The following SCYL3 variants were observed in gnomAD, a reference collection of about 807,000 sequenced individuals.
SCYL3 encodes the protein protein-associating with the carboxyl-terminal domain of ezrin.
A neutral mutation model predicts 73.8 loss-of-function variants in SCYL3; 35 were observed. That is an observed-to-expected ratio of 0.47 (90% confidence interval 0.36 to 0.63). The LOEUF (loss-of-function observed/expected upper bound fraction) is 0.63, where lower values mean the gene tolerates loss of function less well. Ranked by LOEUF, SCYL3 falls within the 20% of genes least tolerant of loss-of-function variation. SCYL3 has a pLI of 0.00. For missense variants in SCYL3, 712 were observed against 798.9 expected (o/e 0.89, Z 1.31); for synonymous variants, 277 against 295.2 (o/e 0.94, Z 0.63).
Position 169,854,705 on chromosome 1 carries a change from T to C in SCYL3, c.1572A>G (p.Leu524=). Residue 524 remains leucine, a synonymous_variant, in exon 12 of 13, where the codon TTA becomes TTG. Coordinates refer to ENST00000367771, the MANE Select transcript of SCYL3 (RefSeq NM_020423.7). ...CACCTCCTGGGTTTACTTTAGTATC[T>C]AAGCTGCTGGGCTCGCAGTCATCCC... ...SSWDDCEPSS[L]DTKVNPGGGI... 6.2e-7 allele frequency: 1 copy of C among 1,614,086 alleles called. No homozygotes were observed. Among genetic ancestry groups the C allele is most frequent in the Middle Eastern group, 1.7e-4 (1 of 6,060 alleles).
intron 11 of SCYL3, chr1:169,856,084 G>C (rs1290545038): frequency 1.3e-6 from 1 of 791,852 alleles, no homozygotes; most frequent in African/African-American, 1.8e-5. Context: ...TAAAATGGAG[G>C]AGAGAACATC....
rs958484591 is a variant in SCYL3 at position 169,850,482 on chromosome 1, T to C, written c.*3231A>G. 1.7e-6 allele frequency: 1 copy of C among 605,504 alleles called. No homozygotes were observed. Among genetic ancestry groups the C allele is most frequent in the Admixed American group, 3.0e-5 (1 of 33,778 alleles). 37.5% of individuals were successfully genotyped at this position (605,504 alleles called of 1,614,324 possible). A position where few individuals can be genotyped will look rare whatever the true frequency, so the allele number is the denominator to read the frequency against. On this transcript the variant is annotated 3_prime_UTR_variant, in exon 13 of 13. Transcript: ENST00000367771. ...TGAGCACAGTGCTGACGACTTTTAC[T>C]AAGCAATTGAGGCCACAGAAGTAAA...
At chr1:169,887,083 T>A (rs905666234) in intron 2 of SCYL3, among the ~76,000 whole-genome samples, 1 of 152,156 alleles carries the variant, frequency 6.6e-6, no homozygotes, top group Non-Finnish European at 1.5e-5. Flanking sequence ...TATGACCTAG[T>A]TTTTTAAGAT....
At chr1:169,888,967 A>T (rs1571463949) in intron 1 of SCYL3, 77 bp from the exon 2 acceptor site, 1 of 718,902 alleles carries the variant, frequency 1.4e-6, no homozygotes, top group East Asian at 2.9e-5. Context: ...AGACATAGCC[A>T]CCCCAAACTA....
chr1:169,851,674 A>AGAG lies in SCYL3; in HGVS notation c.*2036_*2038dup. 1 of 884,572 alleles carries AGAG rather than the reference A, an allele frequency of 1.1e-6. No homozygotes were observed. The highest frequency in any genetic ancestry group is 1.7e-6 in the Non-Finnish European group (1 of 572,274). 54.8% of individuals were successfully genotyped at this position (884,572 alleles called of 1,614,324 possible). A position where few individuals can be genotyped will look rare whatever the true frequency, so the allele number is the denominator to read the frequency against. On this transcript the variant is annotated 3_prime_UTR_variant, in exon 13 of 13. Transcript: ENST00000367771. Reference sequence around the variant, plus strand: ...GAGTGATTTAATCCAGATTATACTAAGAGTATTTATAGATCAGTCCATGTG... The same window carrying AGAG: ...GAGTGATTTAATCCAGATTATACTAAGAGGAGTATTTATAGATCAGTCCATGTG...
intron 2 of SCYL3, among the ~76,000 whole-genome samples, chr1:169,887,764 G>A (rs1009763934): frequency 6.6e-6 from 1 of 152,178 alleles, no homozygotes; most frequent in African/African-American, 2.4e-5. Context: ...ACAATTTCAT[G>A]CTTGATCAAA....
At chr1:169,883,092 C>A (rs536054572) in intron 2 of SCYL3, among the ~76,000 whole-genome samples, 9 of 152,150 alleles carry the variant, frequency 5.9e-5, no homozygotes, top group Non-Finnish European at 1.2e-4. Context: ...CCTGAGCCAG[C>A]GAGACCACGA....
intron 2 of SCYL3, among the ~76,000 whole-genome samples, chr1:169,884,680 T>C (rs1661552327): frequency 2.6e-5 from 4 of 152,246 alleles, no homozygotes; most frequent in African/African-American, 9.6e-5. Context: ...TTTCAAATAA[T>C]TTTCAAACCA....
Position 169,854,267 on chromosome 1 carries a change from C to T in SCYL3, c.2007+3G>A, listed in dbSNP as rs1658898883. On this transcript the variant is annotated splice_donor_region_variant and intron_variant, in intron 12 of 12. Coordinates refer to ENST00000367771, the MANE Select transcript of SCYL3 (RefSeq NM_020423.7). ...GCACAGTTTACTCCATAAAAGTACT[C>T]ACCTCAGTAATTTCTGCTGCAGCAA... 6.3e-7 allele frequency: 1 copy of T among 1,592,010 alleles called. No individual in the cohort carries two copies. The highest frequency in any genetic ancestry group is 2.2e-5 in the East Asian group (1 of 44,776).
chr1:169,858,927 T>C (rs1659411787), intron 11 of SCYL3, 114 bp downstream of exon 11: 1 of 913,230 alleles, frequency 1.1e-6, no homozygotes, highest in Non-Finnish European at 1.6e-6. Context: ...ATTAACTTTT[T>C]ATTTATACTT....
chr1:169,868,359 T>TA (rs1434491235), intron 7 of SCYL3, among the ~76,000 whole-genome samples: 1 of 151,972 alleles, frequency 6.6e-6, no homozygotes, highest in Non-Finnish European at 1.5e-5. Context: ...GTCATGGAAA[T>TA]AAAAAAATGA....
Position 169,888,535 on chromosome 1 carries a change from G to A in SCYL3, c.165+141C>T, listed in dbSNP as rs180685419. On this transcript the variant is annotated intron_variant, in intron 2 of 12. Transcript: ENST00000367771. ...AATGGAAGATAGGCCCATGAAGTAA[G>A]AGCAATGTTTTGAAAGGACATAAAT... 9.4e-4 allele frequency: 615 copies of A among 652,466 alleles called. 1 individual carries two copies. Among genetic ancestry groups the A allele is most frequent in the Non-Finnish European group, 1.3e-3 (530 of 396,292 alleles). The allele number at this position is 652,466 out of a possible 1,614,324, so 40.4% of individuals were successfully genotyped here.
Position 169,853,456 on chromosome 1 carries a change from C to T in SCYL3, c.*257G>A. The stretch of plus-strand genomic sequence containing the variant: ...GACCTCTCCTCAGCTACTTGCTCTT[C>T]ATAGAAACTGGCCTCAGTCAAATGC... On this transcript the variant is annotated 3_prime_UTR_variant, in exon 13 of 13. Transcript: ENST00000367771. The T allele has an allele frequency of 2.2e-6, 1 of 457,706 alleles. No individual in the cohort carries two copies. Among genetic ancestry groups the T allele is most frequent in the Non-Finnish European group, 3.8e-6 (1 of 260,286 alleles). The allele number at this position is 457,706 out of a possible 1,614,324, so 28.4% of individuals were successfully genotyped here.
chr1:169,890,714 G>A (rs1161160739), intron 1 of SCYL3, among the ~76,000 whole-genome samples: 1 of 152,196 alleles, frequency 6.6e-6, no homozygotes, highest in East Asian at 1.9e-4. Context: ...AACTAAATCT[G>A]CTTTGTAACA....
intron 3 of SCYL3, among the ~76,000 whole-genome samples, chr1:169,876,904 G>A (rs952725884): frequency 1.5e-5 from 2 of 130,842 alleles, no homozygotes; most frequent in African/African-American, 2.9e-5. Flanking sequence ...GCAGTGAGCC[G>A]AGATCACACC....
At chr1:169,879,386 A>C (rs912256251) in intron 2 of SCYL3, among the ~76,000 whole-genome samples, 6 of 152,220 alleles carry the variant, frequency 3.9e-5, no homozygotes, top group African/African-American at 1.4e-4. Context: ...CAGAGAGGAG[A>C]GAGCTGGAGA....
chr1:169,891,997 T>C (rs559090948), intron 1 of SCYL3, among the ~76,000 whole-genome samples: 2 of 152,348 alleles, frequency 1.3e-5, no homozygotes, highest in South Asian at 2.1e-4. Context: ...AAGGGATGAC[T>C]CAATTTCTTG....
chr1:169,878,457 T>C (rs1428258987), intron 3 of SCYL3, among the ~76,000 whole-genome samples, 177 bp downstream of exon 3: 1 of 152,224 alleles, frequency 6.6e-6, no homozygotes, highest in Non-Finnish European at 1.5e-5. Context: ...ATAAAACCTC[T>C]ATCTATAGCA....
chr1:169,876,964 A>T (rs1448598416), intron 3 of SCYL3, among the ~76,000 whole-genome samples: 1 of 143,114 alleles, frequency 7.0e-6, no homozygotes, highest in Non-Finnish European at 1.5e-5. Context: ...CAAATAAAAA[A>T]AAAAAAAAAA....
Sources: allele counts gnomAD v4.1 joint callset (sites outside exome capture counted in the v4.1 genomes callset), GRCh38; gene constraint gnomAD v4.1.1; transcripts MANE v1.5; gene names NCBI Gene and HGNC (gene_info 2026-07-23, HGNC 2026-07-21).